Variants in DMXL2 observed in about 807,000 individuals in gnomAD.
The protein encoded by DMXL2 is dmX-like protein 2.
Under a neutral mutation model 331.1 loss-of-function variants are expected in DMXL2, and 103 were observed. That is an observed-to-expected ratio of 0.31 (90% CI 0.27 to 0.37). DMXL2 has a LOEUF of 0.37. Among genes scored for constraint, DMXL2 ranks in the 10% least tolerant of loss-of-function variants. The pLI, the probability that DMXL2 is intolerant of heterozygous loss-of-function variation, is 1.00. For synonymous variants in DMXL2, 1,281 were observed against 1,252.1 expected (o/e 1.02, Z -0.49); for missense variants, 3,171 against 3,642.9 (o/e 0.87, Z 3.33).
intron 15 of DMXL2, among the ~76,000 whole-genome samples, chr15:51,509,795 C>A (rs150651457): frequency 2.0e-5 from 3 of 152,058 alleles, no homozygotes; most frequent in African/African-American, 7.2e-5. Flanking sequence ...AACATCAATG[C>A]GAAAAACCTC....
chr15:51,574,386 C>T (rs1432766117), intron 2 of DMXL2, among the ~76,000 whole-genome samples: 1 of 152,112 alleles, frequency 6.6e-6, no homozygotes, highest in Non-Finnish European at 1.5e-5. Flanking sequence ...CACCTCTGCA[C>T]CCTGGTTAAC....
Position 51,448,652 on chromosome 15 carries a change from T to G in DMXL2, c.*332A>C. On this transcript the variant is annotated 3_prime_UTR_variant, in exon 44 of 44. Transcript: ENST00000560891. ...AGAAAAACCCAAATCAGCAACATTT[T>G]CTTCCTTAATTTGGTATAAACGTCC... 3.3e-6 allele frequency: 1 copy of G among 300,310 alleles called. No individual in the cohort carries two copies. Among genetic ancestry groups the G allele is most frequent in the Non-Finnish European group, 6.4e-6 (1 of 156,556 alleles). 18.6% of individuals were successfully genotyped at this position (300,310 alleles called of 1,614,324 possible).
At chr15:51,483,390 C>T (rs1421614955) in intron 23 of DMXL2, among the ~76,000 whole-genome samples, 2 of 152,194 alleles carry the variant, frequency 1.3e-5, no homozygotes, top group African/African-American at 4.8e-5. Context: ...GCTACAATCC[C>T]AGCTATGCAG....
At chr15:51,532,696 C>A (rs1339386589) in intron 13 of DMXL2, among the ~76,000 whole-genome samples, 1 of 151,972 alleles carries the variant, frequency 6.6e-6, no homozygotes, top group Non-Finnish European at 1.5e-5. Context: ...ATTTTTTAAA[C>A]CTGCAACTAA....
chr15:51,489,452 T>C (rs911310164), intron 20 of DMXL2, among the ~76,000 whole-genome samples: 26 of 151,642 alleles, frequency 1.7e-4, no homozygotes, highest in Non-Finnish European at 1.6e-4. Flanking sequence ...AGGTCAGGAG[T>C]TCGAGGGCAG....
chr15:51,488,723 G>A (rs1193851423), intron 20 of DMXL2, 78 bp from the exon 21 acceptor site: 1 of 1,258,452 alleles, frequency 7.9e-7, no homozygotes, highest in African/African-American at 1.5e-5. Context: ...ATGTTCCCCT[G>A]CTACTTCCAT....
intron 12 of DMXL2, 107 bp downstream of exon 12, chr15:51,536,059 T>G: frequency 9.3e-7 from 1 of 1,078,358 alleles, no homozygotes; most frequent in Non-Finnish European, 1.3e-6. Context: ...TAATGAAAAC[T>G]GAATACTTAT....
intron 13 of DMXL2, among the ~76,000 whole-genome samples, chr15:51,527,382 G>T (rs994113546): frequency 3.3e-5 from 5 of 152,086 alleles, no homozygotes; most frequent in African/African-American, 1.2e-4. Context: ...TGTCATACAA[G>T]AAATGTTACA....
chr15:51,458,441 G>C, intron 36 of DMXL2, 65 bp downstream of exon 36: 2 of 1,531,360 alleles, frequency 1.3e-6, no homozygotes, highest in African/African-American at 1.4e-5. Flanking sequence ...TTCAAATCAT[G>C]TGCATAACCA....
chr15:51,535,843 C>A, intron 12 of DMXL2, 59 bp from the exon 13 acceptor site: 3 of 1,524,988 alleles, frequency 2.0e-6, no homozygotes, highest in African/African-American at 1.4e-5. Context: ...TTCTTATTGG[C>A]TAAAGGATAA....
intron 2 of DMXL2, among the ~76,000 whole-genome samples, chr15:51,574,145 G>C (rs904211849): frequency 6.6e-6 from 1 of 152,096 alleles, no homozygotes; most frequent in Non-Finnish European, 1.5e-5. Flanking sequence ...ACTGCACCTG[G>C]GGGAAAGAGC....
intron 20 of DMXL2, among the ~76,000 whole-genome samples, chr15:51,490,144 T>C (rs1198517932): frequency 6.6e-6 from 1 of 152,220 alleles, no homozygotes; most frequent in Non-Finnish European, 1.5e-5. Flanking sequence ...CTTATATCTG[T>C]GCTTATTTTG....
At chr15:51,479,576 T>C (rs904075438) in intron 25 of DMXL2, among the ~76,000 whole-genome samples, 1 of 152,162 alleles carries the variant, frequency 6.6e-6, no homozygotes, top group Non-Finnish European at 1.5e-5. Flanking sequence ...CAGTCATGCT[T>C]CCCTCCCAGA....
At position 51,563,411 on chromosome 15, in the gene DMXL2, A is replaced by G. The variant is rs1211003740; in HGVS notation, c.537T>C (p.Pro179=). The G allele has an allele frequency of 3.7e-6, 6 of 1,609,740 alleles. No homozygotes were observed. The African/African-American group carries it at 6.7e-5, about 18-fold the overall frequency. ...CAGCAGTAGCAAAATATTCACCATC[A>G]GGAGACCATTCCATCAAATGTACAG... ...SVSVHLMEWS[P]DGEYFATAGK... is the part of the protein sequence containing the mutation. Residue 179 remains proline, a synonymous_variant, in exon 6 of 44, where the codon CCT becomes CCC. Transcript: ENST00000560891.
At position 51,535,731 on chromosome 15, in the gene DMXL2, G is replaced by C. The variant is rs367800734; in HGVS notation, c.2368C>G (p.Leu790Val). ...ACFVASDGKN[L>V]RLYQAVVDAR... is the part of the protein sequence containing the mutation. The stretch of plus-strand genomic sequence containing the variant: ...TCCACTACAGCTTGATAGAGTCTCA[G>C]ATTTTTGCCATCAGAAGCAACAAAG... Residue 790 changes from leucine (L) to valine (V), a missense_variant, in exon 13 of 44, where the codon CTG becomes GTG. Transcript: ENST00000560891. 2 of 1,609,876 alleles carry C rather than the reference G, an allele frequency of 1.2e-6. No homozygotes were observed. Among genetic ancestry groups the C allele is most frequent in the African/African-American group, 2.7e-5 (2 of 74,704 alleles).
At chr15:51,464,265 G>A (rs2040380314) in intron 32 of DMXL2, among the ~76,000 whole-genome samples, 1 of 152,130 alleles carries the variant, frequency 6.6e-6, no homozygotes, top group Non-Finnish European at 1.5e-5. Flanking sequence ...ATTAGCCGAT[G>A]GCGCTCGCCT....
intron 13 of DMXL2, among the ~76,000 whole-genome samples, chr15:51,520,369 A>C (rs937808113): frequency 6.6e-6 from 1 of 152,242 alleles, no homozygotes; most frequent in Non-Finnish European, 1.5e-5. Context: ...CAGCAAGGTC[A>C]GTTAACCCAG....
intron 1 of DMXL2, among the ~76,000 whole-genome samples, chr15:51,608,049 G>C (rs2053709016): frequency 6.6e-6 from 1 of 152,038 alleles, no homozygotes; most frequent in African/African-American, 2.4e-5. Context: ...GCCAGATGTG[G>C]TGGTGCGCAC....
chr15:51,620,455 G>A (rs2054556733), intron 1 of DMXL2, among the ~76,000 whole-genome samples: 2 of 152,116 alleles, frequency 1.3e-5, no homozygotes, highest in South Asian at 4.1e-4. Flanking sequence ...TGTAACAGAG[G>A]GGCCAAAGTG....
Sources: gnomAD v4.1 joint callset for allele counts (sites outside exome capture counted in the v4.1 genomes callset) on GRCh38, gnomAD v4.1.1 for gene constraint, MANE v1.5 for transcripts, NCBI Gene and HGNC (gene_info 2026-07-23, HGNC 2026-07-21) for gene names.